CPQ: variants seen among roughly 807,000 people sequenced by gnomAD.
CPQ encodes the protein Ser-Met dipeptidase.
In CPQ, 37 loss-of-function variants were observed where a neutral mutation model predicts 45.7. That is an observed-to-expected ratio of 0.81 (90% CI 0.62 to 1.07). The LOEUF is 1.07. Ranked by LOEUF, CPQ falls within the 50% of genes least tolerant of loss-of-function variation. The pLI, the probability that CPQ is intolerant of heterozygous loss-of-function variation, is 0.00. For missense variants in CPQ, 537 were observed against 572.9 expected (o/e 0.94, Z 0.64); for synonymous variants, 186 against 205.8 (o/e 0.90, Z 0.82).
At chr8:96,813,791 G>T (rs1454181897) in intron 2 of CPQ, among the ~76,000 whole-genome samples, 1 of 151,332 alleles carries the variant, frequency 6.6e-6, no homozygotes, top group Non-Finnish European at 1.5e-5. Context: ...CTATTCCAGA[G>T]ATTATCTGTC....
At chr8:97,123,148 T>TAAATAAAATA (rs749303830) in intron 7 of CPQ, among the ~76,000 whole-genome samples, 2 of 20,622 alleles carry the variant, frequency 9.7e-5, no homozygotes, top group African/African-American at 5.0e-4. Context: ...TAAAATAAAA[T>TAAATAAAATA]AAATAAAATA....
intron 3 of CPQ, among the ~76,000 whole-genome samples, chr8:96,857,373 TCTC>T (rs1563514401): frequency 6.6e-6 from 1 of 152,128 alleles, no homozygotes; most frequent in Non-Finnish European, 1.5e-5. Context: ...CACAGTGAGA[TCTC>T]CTCTTATGAA....
intron 1 of CPQ, chr8:96,761,048 A>C (rs760677765): frequency 6.6e-6 from 1 of 152,178 alleles, no homozygotes; most frequent in Non-Finnish European, 1.5e-5. Context: ...CTGAAACTTC[A>C]TAGGGAATAA....
At chr8:96,997,579 A>C (rs573690477) in intron 5 of CPQ, among the ~76,000 whole-genome samples, 1 of 151,902 alleles carries the variant, frequency 6.6e-6, no homozygotes, top group African/African-American at 2.4e-5. Context: ...CTTTGACATA[A>C]AAAAAAATTT....
intron 1 of CPQ, among the ~76,000 whole-genome samples, chr8:96,687,603 G>T (rs2704276): frequency 1.3e-5 from 2 of 151,476 alleles, no homozygotes; most frequent in Admixed American, 6.6e-5. Flanking sequence ...AACTTCTTGA[G>T]TGCTTATATT....
chr8:96,860,352 T>G (rs1222012276), intron 3 of CPQ, among the ~76,000 whole-genome samples: 2 of 152,198 alleles, frequency 1.3e-5, no homozygotes, highest in Non-Finnish European at 2.9e-5. Context: ...GTTGAAAAGC[T>G]TAGCTATTAT....
intron 1 of CPQ, among the ~76,000 whole-genome samples, chr8:96,756,534 G>C (rs1393366408): frequency 6.6e-6 from 1 of 152,068 alleles, no homozygotes; most frequent in Non-Finnish European, 1.5e-5. Context: ...TGGGTATGTA[G>C]AGAAAGCAAT....
chr8:96,822,768 A>G (rs1334943076), intron 2 of CPQ, among the ~76,000 whole-genome samples: 2 of 151,980 alleles, frequency 1.3e-5, no homozygotes, highest in Non-Finnish European at 2.9e-5. Context: ...GACCTCTGCA[A>G]TGAGTATTCT....
chr8:96,903,136 G>A (rs1481269484), intron 4 of CPQ, among the ~76,000 whole-genome samples: 3 of 152,214 alleles, frequency 2.0e-5, no homozygotes, highest in Non-Finnish European at 4.4e-5. Context: ...TTAGTGTGAA[G>A]TGATAGGCAG....
intron 1 of CPQ, among the ~76,000 whole-genome samples, chr8:96,713,329 A>G (rs201834361): frequency 1.3e-5 from 2 of 152,198 alleles, no homozygotes; most frequent in Non-Finnish European, 2.9e-5. Flanking sequence ...CCACATTTTC[A>G]GGTATCTTTA....
At chr8:96,774,172 G>C (rs1810579093) in intron 1 of CPQ, among the ~76,000 whole-genome samples, 1 of 151,942 alleles carries the variant, frequency 6.6e-6, no homozygotes, top group Admixed American at 6.6e-5. Context: ...TCAGGAGACT[G>C]AGACAGGGGA....
chr8:97,016,806 A>G (rs771436696), intron 5 of CPQ, among the ~76,000 whole-genome samples: 16 of 152,218 alleles, frequency 1.1e-4, no homozygotes, highest in Non-Finnish European at 2.2e-4. Context: ...AAACTCTGAG[A>G]TAACATGGCC....
intron 4 of CPQ, among the ~76,000 whole-genome samples, chr8:96,887,472 C>T (rs955191488): frequency 3.3e-5 from 5 of 152,134 alleles, no homozygotes; most frequent in African/African-American, 1.2e-4. Context: ...CCCCCTTAGT[C>T]TTTTTCCAGT....
At chr8:96,921,259 T>G (rs1812802497) in intron 4 of CPQ, among the ~76,000 whole-genome samples, 1 of 152,128 alleles carries the variant, frequency 6.6e-6, no homozygotes, top group Non-Finnish European at 1.5e-5. Flanking sequence ...TCTTTTCTAT[T>G]GCAGTTCATT....
chr8:96,701,733 C>T (rs1005075458), intron 1 of CPQ, among the ~76,000 whole-genome samples: 1 of 152,150 alleles, frequency 6.6e-6, no homozygotes, highest in South Asian at 2.1e-4. Flanking sequence ...TCCTTGGCAG[C>T]CCTGGCCCTG....
intron 7 of CPQ, among the ~76,000 whole-genome samples, chr8:97,124,129 G>C (rs529264264): frequency 3.9e-3 from 580 of 150,424 alleles, no homozygotes; most frequent in Non-Finnish European, 5.5e-3. Context: ...TGGAGGCTGA[G>C]GCAGGAGAAT....
chr8:97,102,155 A>AAAAT (rs1020344618), intron 7 of CPQ, among the ~76,000 whole-genome samples: 2 of 152,124 alleles, frequency 1.3e-5, no homozygotes, highest in African/African-American at 4.8e-5. Context: ...GTTTGTTTTG[A>AAAAT]AAATAAAAAT....
chr8:96,897,469 T>C (rs1225002210), intron 4 of CPQ, among the ~76,000 whole-genome samples: 1 of 152,158 alleles, frequency 6.6e-6, no homozygotes, highest in African/African-American at 2.4e-5. Flanking sequence ...AACTCTGGAA[T>C]GCTCCAAAAT....
intron 2 of CPQ, among the ~76,000 whole-genome samples, chr8:96,805,886 A>G (rs998151151): frequency 3.9e-5 from 6 of 151,908 alleles, no homozygotes; most frequent in Non-Finnish European, 7.4e-5. Flanking sequence ...AGAACTTGGT[A>G]GGGATGAGAA....
Sources: allele counts gnomAD v4.1 joint callset (sites outside exome capture counted in the v4.1 genomes callset), GRCh38; gene constraint gnomAD v4.1.1; transcripts MANE v1.5; gene names NCBI Gene and HGNC (gene_info 2026-07-23, HGNC 2026-07-21).